Variants in SDHC observed in about 807,000 individuals in gnomAD.
The protein encoded by SDHC is succinate dehydrogenase cytochrome b560 subunit, mitochondrial.
SDHC carries 11 observed loss-of-function variants against 22.6 expected under a neutral mutation model. That is an observed-to-expected ratio of 0.49 (90% confidence interval 0.31 to 0.81). The LOEUF (loss-of-function observed/expected upper bound fraction) is 0.81. Among genes scored for constraint, SDHC ranks in the 30% least tolerant of loss-of-function variants. The pLI, the probability that SDHC is intolerant of heterozygous loss-of-function variation, is 0.05. For missense variants in SDHC, 160 were observed against 212.0 expected (o/e 0.75, Z 1.52); for synonymous variants, 80 against 77.8 (o/e 1.03, Z -0.15).
chr1:161,319,176 G>A (rs866716123), intron 1 of SDHC, among the ~76,000 whole-genome samples: 2 of 152,080 alleles, frequency 1.3e-5, no homozygotes, highest in South Asian at 2.1e-4. Flanking sequence ...AGCTGAGATC[G>A]TGCCATTGCA....
rs562280130 is a variant in SDHC at position 161,342,074 on chromosome 1, A to G, written c.241+1419A>G. Among the ~76,000 whole-genome samples, 6 of 152,310 alleles carry G rather than the reference A, an allele frequency of 3.9e-5. No individual in the cohort carries two copies. The East Asian group carries it at 1.2e-3, about 29-fold the overall frequency. On this transcript the variant is annotated intron_variant, in intron 4 of 5. Transcript: ENST00000367975. Reference sequence around the variant, plus strand: ...TATTTTGGTCCCCTGCATATTGACTATAATAACTACCTAACTAGTATTGTA... The same window carrying G: ...TATTTTGGTCCCCTGCATATTGACTGTAATAACTACCTAACTAGTATTGTA...
At chr1:161,326,670 G>C (rs984103059) in intron 2 of SDHC, 4 of 146,598 alleles carry the variant, frequency 2.7e-5, no homozygotes, top group African/African-American at 1.0e-4. Context: ...CTGTCGACCA[G>C]GCTGGAGTGT....
At chr1:161,326,574 TA>T in intron 2 of SDHC, 1 of 147,216 alleles carries the variant, frequency 6.8e-6, no homozygotes, top group African/African-American at 2.5e-5. Flanking sequence ...TATATATATA[TA>T]TATATTAGGT....
chr1:161,317,218 C>T lies in SDHC; in HGVS notation c.20+2793C>T, dbSNP rs1002561382. ...CTAATTTTTGTATTTTTAGTAGAGACGGGGTTTCACCATCTTGGCCAGGCT... is the reference window on the plus strand; with the variant it reads ...CTAATTTTTGTATTTTTAGTAGAGATGGGGTTTCACCATCTTGGCCAGGCT... On this transcript the variant is annotated intron_variant, in intron 1 of 5. Transcript: ENST00000367975. Among the ~76,000 whole-genome samples the T allele has an allele frequency of 3.3e-5, 5 of 151,770 alleles. No individual in the cohort carries two copies. The South Asian group carries it at 6.2e-4, about 19-fold the overall frequency.
intron 1 of SDHC, among the ~76,000 whole-genome samples, chr1:161,315,814 G>A (rs1434548121): frequency 1.3e-5 from 2 of 152,078 alleles, no homozygotes; most frequent in Non-Finnish European, 2.9e-5. Flanking sequence ...AGAAAAAAGG[G>A]GGCCCAGGGA....
chr1:161,316,815 C>T (rs892915417), intron 1 of SDHC, among the ~76,000 whole-genome samples: 2 of 152,098 alleles, frequency 1.3e-5, no homozygotes, highest in African/African-American at 2.4e-5. Flanking sequence ...CTGATTTAAC[C>T]TCAAAGGAAA....
At chr1:161,358,080 A>G (rs76703105) in intron 5 of SDHC, among the ~76,000 whole-genome samples, 16,449 of 132,580 alleles carry the variant, frequency 0.12, 1,264 homozygotes, top group African/African-American at 0.23. Context: ...TCCATTGCCC[A>G]GGCTGGAGTG....
chr1:161,340,481 A>C (rs1371959374), intron 3 of SDHC, 113 bp from the exon 4 acceptor site: 10 of 966,264 alleles, frequency 1.0e-5, no homozygotes, highest in Middle Eastern at 3.2e-4. Context: ...CAAAAAAAAA[A>C]AAAGAAAAAA....
chr1:161,329,648 A>G (rs1030488771), intron 3 of SDHC, among the ~76,000 whole-genome samples: 1 of 152,186 alleles, frequency 6.6e-6, no homozygotes, highest in African/African-American at 2.4e-5. Context: ...TTTGTTTTCT[A>G]TTGCTACTAT....
At chr1:161,328,245 G>T (rs965891281) in intron 2 of SDHC, 151 bp from the exon 3 acceptor site, 43 of 644,360 alleles carry the variant, frequency 6.7e-5, no homozygotes, top group East Asian at 3.8e-4. Flanking sequence ...CAGGTGATCC[G>T]CCCGCCTCGG....
At chr1:161,338,668 TA>T (rs1671585244) in intron 3 of SDHC, among the ~76,000 whole-genome samples, 2 of 152,196 alleles carry the variant, frequency 1.3e-5, no homozygotes, top group Non-Finnish European at 2.9e-5. Flanking sequence ...TTGGGATAGG[TA>T]ACTTATTAGG....
chr1:161,340,323 G>A (rs1208397551), intron 3 of SDHC, among the ~76,000 whole-genome samples: 2 of 151,004 alleles, frequency 1.3e-5, no homozygotes, highest in Non-Finnish European at 2.9e-5. Context: ...AGACAGGAAT[G>A]CAAAAGCTGG....
In SDHC at chr1:161,358,930, C is replaced by CAA. The variant is rs59347827; in HGVS notation, c.405+2106_405+2107dup. 2.4e-3 allele frequency among the ~76,000 whole-genome samples: 282 copies of CAA among 115,556 alleles called. 5 individuals carry two copies. Among genetic ancestry groups the CAA allele is most frequent in the East Asian group, 3.2e-3 (13 of 4,116 alleles). The allele number at this position is 115,556 out of a possible 152,430, so 75.8% of individuals were successfully genotyped here. On this transcript the variant is annotated intron_variant, in intron 5 of 5. Coordinates refer to ENST00000367975, the MANE Select transcript of SDHC (RefSeq NM_003001.5). Reference sequence around the variant, plus strand: ...GGGCAACAAGAGCGAAATTCCGTCTCAAAAAAAAAAAAAAAAATACAAAAA... The same window carrying CAA: ...GGGCAACAAGAGCGAAATTCCGTCTCAAAAAAAAAAAAAAAAAAATACAAAAA...
chr1:161,353,502 T>C (rs1672161029), intron 4 of SDHC, among the ~76,000 whole-genome samples: 1 of 152,210 alleles, frequency 6.6e-6, no homozygotes. Context: ...TGAACCCTCT[T>C]GAGTCATATC....
chr1:161,344,291 A>AAAAAT (rs1486662497), intron 4 of SDHC, among the ~76,000 whole-genome samples: 2 of 152,064 alleles, frequency 1.3e-5, no homozygotes, highest in East Asian at 1.9e-4. Context: ...CTCCGTCTCA[A>AAAAAT]AAAATAAAAT....
intron 5 of SDHC, among the ~76,000 whole-genome samples, chr1:161,359,288 G>A (rs542817795): frequency 6.6e-6 from 1 of 152,110 alleles, no homozygotes; most frequent in Admixed American, 6.5e-5. Flanking sequence ...GCACTTTCTG[G>A]ATTTCAGTCT....
intron 1 of SDHC, among the ~76,000 whole-genome samples, chr1:161,320,477 A>G (rs1670799332): frequency 6.6e-6 from 1 of 152,158 alleles, no homozygotes; most frequent in South Asian, 2.1e-4. Context: ...TTATAGTCAC[A>G]TCTTGTTTTG....
At chr1:161,343,455 G>A (rs1321994157) in intron 4 of SDHC, among the ~76,000 whole-genome samples, 1 of 152,048 alleles carries the variant, frequency 6.6e-6, no homozygotes, top group African/African-American at 2.4e-5. Context: ...ATCTGATGCC[G>A]TCATTTTTGT....
At chr1:161,328,753 A>G (rs1671166417) in intron 3 of SDHC, among the ~76,000 whole-genome samples, 1 of 152,234 alleles carries the variant, frequency 6.6e-6, no homozygotes, top group Non-Finnish European at 1.5e-5. Context: ...AAATTCTGGT[A>G]AGTCAAAATA....
Sources: gnomAD v4.1 joint callset for allele counts (sites outside exome capture counted in the v4.1 genomes callset) on GRCh38, gnomAD v4.1.1 for gene constraint, MANE v1.5 for transcripts, NCBI Gene and HGNC (gene_info 2026-07-23, HGNC 2026-07-21) for gene names.